The following PLCL1 variants were observed in gnomAD, a reference collection of about 807,000 sequenced individuals.
PLCL1 encodes phospholipase C like 1 (inactive).
In PLCL1, 41 loss-of-function variants were observed where a neutral mutation model predicts 84.4. The ratio of observed to expected loss-of-function variants is 0.49; its 90% CI spans 0.38 to 0.63. The LOEUF is 0.63. Ranked by LOEUF, PLCL1 falls within the 30% of genes least tolerant of loss-of-function variation. The pLI is 0.00. For synonymous variants in PLCL1, 490 were observed against 488.3 expected, an observed-to-expected ratio of 1.00 and a Z score of -0.05; for missense variants, 1,206 against 1,367.8, an observed-to-expected ratio of 0.88 and a Z score of 1.87.
At chr2:197,920,541 T>C (rs764233457) in intron 1 of PLCL1, among the ~76,000 whole-genome samples, 5 of 152,194 alleles carry the variant, frequency 3.3e-5, no homozygotes, top group Non-Finnish European at 5.9e-5. Context: ...AGTGAAACAA[T>C]TGAAATTAAT....
chr2:198,022,455 C>G (rs1691158268), intron 1 of PLCL1, among the ~76,000 whole-genome samples: 1 of 152,124 alleles, frequency 6.6e-6, no homozygotes, highest in Non-Finnish European at 1.5e-5. Context: ...GAGAGGAAGT[C>G]AAATTATCTG....
chr2:197,827,936 T>C (rs1396859967), intron 1 of PLCL1, among the ~76,000 whole-genome samples: 1 of 148,918 alleles, frequency 6.7e-6, no homozygotes, highest in Non-Finnish European at 1.5e-5. Context: ...TCTATGTTTC[T>C]ATTACTCTCA....
At chr2:197,875,459 G>A (rs959121426) in intron 1 of PLCL1, among the ~76,000 whole-genome samples, 1 of 152,018 alleles carries the variant, frequency 6.6e-6, no homozygotes, top group Non-Finnish European at 1.5e-5. Flanking sequence ...GGAACATCTA[G>A]GGTACTCAAA....
At chr2:197,883,141 T>C (rs1192142084) in intron 1 of PLCL1, among the ~76,000 whole-genome samples, 1 of 152,176 alleles carries the variant, frequency 6.6e-6, no homozygotes, top group African/African-American at 2.4e-5. Flanking sequence ...TGTGCTCATT[T>C]TGTAAAATTT....
At chr2:198,066,864 C>A (rs1329047972) in intron 1 of PLCL1, among the ~76,000 whole-genome samples, 1 of 152,082 alleles carries the variant, frequency 6.6e-6, no homozygotes, top group South Asian at 2.1e-4. Context: ...ATGCGTAGTA[C>A]CCCACTCCAG....
chr2:197,851,963 A>G (rs1230616587), intron 1 of PLCL1, among the ~76,000 whole-genome samples: 2 of 152,246 alleles, frequency 1.3e-5, no homozygotes, highest in East Asian at 3.8e-4. Flanking sequence ...TGTTGGTAGT[A>G]AAAGGTCAAT....
At chr2:197,920,597 G>GT (rs1688682600) in intron 1 of PLCL1, among the ~76,000 whole-genome samples, 1 of 152,078 alleles carries the variant, frequency 6.6e-6, no homozygotes, top group South Asian at 2.1e-4. Context: ...ATATGCAAAA[G>GT]TACCTAAGGT....
intron 1 of PLCL1, among the ~76,000 whole-genome samples, chr2:197,927,754 A>G (rs890836904): frequency 2.0e-5 from 3 of 152,318 alleles, no homozygotes; most frequent in African/African-American, 7.2e-5. Flanking sequence ...TCAAGTGTGC[A>G]TGGGTGAGAT....
chr2:198,143,134 C>T (rs77359772), intron 5 of PLCL1, among the ~76,000 whole-genome samples: 1,586 of 152,146 alleles, frequency 0.01, 15 homozygotes, highest in South Asian at 0.028. Context: ...TAGACGAATA[C>T]CTTTAAATGG....
At chr2:197,835,225 C>G (rs949182699) in intron 1 of PLCL1, among the ~76,000 whole-genome samples, 1 of 152,052 alleles carries the variant, frequency 6.6e-6, no homozygotes, top group Non-Finnish European at 1.5e-5. Flanking sequence ...CTGCAAACCA[C>G]CATGGCATGT....
At chr2:197,900,924 G>C (rs181361804) in intron 1 of PLCL1, among the ~76,000 whole-genome samples, 2 of 151,588 alleles carry the variant, frequency 1.3e-5, no homozygotes, top group African/African-American at 4.8e-5. Context: ...TTCAAAGATT[G>C]TAAGTGTTTT....
chr2:198,142,849 C>T (rs974613743), intron 5 of PLCL1, among the ~76,000 whole-genome samples: 1 of 151,906 alleles, frequency 6.6e-6, no homozygotes, highest in African/African-American at 2.4e-5. Context: ...TTCAAATCCC[C>T]ATGAGATTGC....
intron 1 of PLCL1, among the ~76,000 whole-genome samples, chr2:197,903,087 C>T (rs1459033320): frequency 1.3e-5 from 2 of 152,154 alleles, no homozygotes; most frequent in Non-Finnish European, 2.9e-5. Context: ...TGTTTTGATA[C>T]TACCATTTTT....
chr2:197,982,729 A>C (rs1482771605), intron 1 of PLCL1, among the ~76,000 whole-genome samples: 1 of 152,210 alleles, frequency 6.6e-6, no homozygotes, highest in Non-Finnish European at 1.5e-5. Flanking sequence ...GGGTAACCTG[A>C]TCTGCTGAGG....
rs1044159213 is a variant in PLCL1 at position 198,041,681 on chromosome 2, A to G, written c.241-42077A>G. Among the ~76,000 whole-genome samples the G allele has an allele frequency of 4.6e-5, 7 of 152,314 alleles. No individual in the cohort carries two copies. In the East Asian group the frequency reaches 1.2e-3, roughly 25 times the overall value. On this transcript the variant is annotated intron_variant, in intron 1 of 5. Coordinates refer to ENST00000428675, the MANE Select transcript of PLCL1 (RefSeq NM_006226.4). Reference sequence around the variant, plus strand: ...TCCTGGAAGTAAATACTGAATATGGATAAATTAATGAATGAAGTGTTCATT... The same window carrying G: ...TCCTGGAAGTAAATACTGAATATGGGTAAATTAATGAATGAAGTGTTCATT...
intron 1 of PLCL1, among the ~76,000 whole-genome samples, chr2:197,925,682 T>C (rs1451417759): frequency 6.6e-6 from 1 of 152,198 alleles, no homozygotes; most frequent in African/African-American, 2.4e-5. Flanking sequence ...TAAATGTTAA[T>C]GGTCTGCTAG....
At chr2:198,118,709 T>C (rs966475082) in intron 5 of PLCL1, among the ~76,000 whole-genome samples, 8 of 151,986 alleles carry the variant, frequency 5.3e-5, no homozygotes, top group African/African-American at 1.7e-4. Flanking sequence ...TGCTGCATAC[T>C]CCTATGTCAA....
intron 1 of PLCL1, among the ~76,000 whole-genome samples, chr2:197,977,880 A>T (rs1690019956): frequency 6.6e-6 from 1 of 152,056 alleles, no homozygotes; most frequent in Non-Finnish European, 1.5e-5. Context: ...TGCTCCCCAG[A>T]TTTTCCCACC....
chr2:197,897,191 C>CTTCTTCTTCTT lies in PLCL1; in HGVS notation c.240+91852_240+91853insTTCTTCTTCTT, dbSNP rs1688165568. On this transcript the variant is annotated intron_variant, in intron 1 of 5. Transcript: ENST00000428675. ...TTCTTCTTCTTCTTCTTCTTCTTCT[C>CTTCTTCTTCTT]CTTCTCCTTCTTCTTTCTTCTTCCT... is the stretch of plus-strand genomic sequence containing the variant. Among the ~76,000 whole-genome samples, 2 of 32,216 alleles carry CTTCTTCTTCTT rather than the reference C, an allele frequency of 6.2e-5. 1 individual carries two copies. Among genetic ancestry groups the CTTCTTCTTCTT allele is most frequent in the African/African-American group, 2.4e-4 (2 of 8,480 alleles). 21.1% of individuals were successfully genotyped at this position (32,216 alleles called of 152,430 possible). A position where few individuals can be genotyped will look rare whatever the true frequency, so the allele number is the denominator to read the frequency against.
Sources: gnomAD v4.1 joint callset for allele counts (sites outside exome capture counted in the v4.1 genomes callset) on GRCh38, gnomAD v4.1.1 for gene constraint, MANE v1.5 for transcripts, NCBI Gene and HGNC (gene_info 2026-07-23, HGNC 2026-07-21) for gene names.